SLCO3A1: variants seen among roughly 807,000 people sequenced by gnomAD.
SLCO3A1 encodes the protein solute carrier organic anion transporter family member 3A1.
In SLCO3A1, 27 loss-of-function variants were observed where a neutral mutation model predicts 63.1. That is an observed-to-expected ratio of 0.43 (90% confidence interval 0.32 to 0.59). The LOEUF is 0.59. Among genes scored for constraint, SLCO3A1 ranks in the 20% least tolerant of loss-of-function variants. The probability of loss-of-function intolerance (pLI) is 0.09; values close to 1 mark genes in which losing one functional copy is unlikely to be tolerated. For missense variants in SLCO3A1, 773 were observed against 945.8 expected (o/e 0.82, Z 2.40); for synonymous variants, 473 against 409.9 (o/e 1.15, Z -1.86).
In SLCO3A1 at chr15:92,171,821, G is replaced by A. The variant is rs145652433; in HGVS notation, c.2038G>A (p.Glu680Lys). 1.2e-4 allele frequency: 180 copies of A among 1,551,594 alleles called. 2 individuals carry two copies. The East Asian group carries it at 1.3e-3, about 11-fold the overall frequency. Residue 680 changes from glutamate (E) to lysine (K), a missense_variant, in exon 11 of 11, where the codon GAA becomes AAA. Transcript: ENST00000424469. The stretch of plus-strand genomic sequence containing the variant: ...CATTGAGACTGAGAAAACCTGCCCC[G>A]AATCACATTCACCTTCAGAAGACTC...
Position 92,162,959 on chromosome 15 carries a change from A to G in SLCO3A1, c.1957A>G (p.Lys653Glu). Residue 653 changes from lysine (K) to glutamate (E), a missense_variant, in exon 10 of 10, where the codon AAA (lysine) becomes GAA (glutamate). Physicochemically the swap from Lys to Glu is moderately conservative, Grantham distance 56 (BLOSUM62 1). This residue lies in a region of SLCO3A1 where 139 missense variants were observed against 131.4 expected (regional missense o/e 1.06). Transcript: ENST00000318445. The part of the protein sequence containing the change: ...TTWQCLRKNY[K>E]RYIKNHEGGL... ...GTGGCAGTGCCTGAGGAAAAACTAT[A>G]AACGCTACATCAAAAACCACGAGGG... 2 of 1,614,120 alleles carry G rather than the reference A, an allele frequency of 1.2e-6. No individual in the cohort carries two copies. Among genetic ancestry groups the G allele is most frequent in the Non-Finnish European group, 1.7e-6 (2 of 1,180,018 alleles).
rs1319541428 is a variant in SLCO3A1, at chr15:91,860,115, C to T, written c.180+6027C>T. On this transcript the variant is annotated intron_variant, in intron 1 of 9. Coordinates refer to ENST00000318445, the MANE Select transcript of SLCO3A1 (RefSeq NM_013272.4). This position sits in a 1 kb window ranked among gnomAD's most constrained non-coding sequence, Gnocchi z 5.5. ...GTGATTCATGTTGATCATTTACAGTCCATGGGTACTTGAAGGAGGTTAAAG... is the reference window on the plus strand; with the variant it reads ...GTGATTCATGTTGATCATTTACAGTTCATGGGTACTTGAAGGAGGTTAAAG... Among the ~76,000 whole-genome samples, 1 of 152,152 alleles carries T rather than the reference C, an allele frequency of 6.6e-6. No homozygotes were observed. The highest frequency in any genetic ancestry group is 2.4e-5 in the African/African-American group (1 of 41,420).
chr15:91,992,180 G>A (rs191749321), intron 2 of SLCO3A1, among the ~76,000 whole-genome samples: 60 of 152,338 alleles, frequency 3.9e-4, no homozygotes, highest in African/African-American at 1.4e-3. Flanking sequence ...ATGTCAAGGT[G>A]AGTGTTTTGT....
chr15:92,139,713 A>G (rs1316263629), intron 7 of SLCO3A1, among the ~76,000 whole-genome samples: 1 of 152,102 alleles, frequency 6.6e-6, no homozygotes, highest in Non-Finnish European at 1.5e-5. Flanking sequence ...AGGAGAGTGT[A>G]TGTGTCGAGG....
chr15:91,980,458 G>A (rs2045971228), intron 2 of SLCO3A1, among the ~76,000 whole-genome samples: 1 of 151,472 alleles, frequency 6.6e-6, no homozygotes, highest in African/African-American at 2.4e-5. Context: ...ATGGTGAATG[G>A]ATTCGTAGGG....
intron 2 of SLCO3A1, among the ~76,000 whole-genome samples, chr15:92,094,645 G>A (rs1040287084): frequency 2.0e-5 from 3 of 152,178 alleles, no homozygotes; most frequent in Admixed American, 2.0e-4. Flanking sequence ...CTAAAAGTAA[G>A]GGACACAAAT....
Position 91,971,288 on chromosome 15 carries a change from G to A in SLCO3A1, c.646+54830G>A, listed in dbSNP as rs184403982. Among the ~76,000 whole-genome samples the A allele has an allele frequency of 9.0e-3, 1,364 of 151,108 alleles. 55 individuals carry two copies. Among genetic ancestry groups the A allele is most frequent in the Admixed American group, 0.065 (987 of 15,162 alleles). ...CAGGTGCCTGTAGTCCCAGCTACTC[G>A]GGAGGCTGAGGCAGGACAATGGGGT... On this transcript the variant is annotated intron_variant, in intron 2 of 9. Transcript: ENST00000318445.
Position 92,140,315 on chromosome 15 carries a change from T to C in SLCO3A1, c.1513-6669T>C, listed in dbSNP as rs1309692738. 1.5e-4 allele frequency among the ~76,000 whole-genome samples: 21 copies of C among 140,546 alleles called. No individual in the cohort carries two copies. In the Admixed American group the frequency reaches 1.5e-3, roughly 10 times the overall value. 92.2% of individuals were successfully genotyped at this position (140,546 alleles called of 152,430 possible). A position where few individuals can be genotyped will look rare whatever the true frequency, so the allele number is the denominator to read the frequency against. ...GAGTGAGATTCTTAATCCTGAGTTC[T>C]AGTTTGATTGCACTGTGGTCTGAGA... On this transcript the variant is annotated intron_variant, in intron 7 of 9. Transcript: ENST00000318445.
chr15:91,971,879 C>T (rs1208524163), intron 2 of SLCO3A1, among the ~76,000 whole-genome samples: 4 of 152,150 alleles, frequency 2.6e-5, no homozygotes, highest in African/African-American at 9.7e-5. Flanking sequence ...TAGAACATAA[C>T]TGCAGTTTGA....
chr15:92,160,067 C>A (rs2048417976), intron 9 of SLCO3A1, among the ~76,000 whole-genome samples: 1 of 152,074 alleles, frequency 6.6e-6, no homozygotes, highest in Admixed American at 6.5e-5. Flanking sequence ...CCTCTCTAAC[C>A]TTGGCTCCCC....
At chr15:92,114,032 G>C (rs1370316279) in intron 4 of SLCO3A1, among the ~76,000 whole-genome samples, 1 of 152,190 alleles carries the variant, frequency 6.6e-6, no homozygotes, top group Non-Finnish European at 1.5e-5. Flanking sequence ...AATTGCACAT[G>C]AATGCCAGAA....
intron 5 of SLCO3A1, among the ~76,000 whole-genome samples, chr15:92,124,086 G>A (rs1418531284): frequency 6.6e-6 from 1 of 152,136 alleles, no homozygotes; most frequent in African/African-American, 2.4e-5. Flanking sequence ...GGCAGACTTG[G>A]GAGATGAGGC....
chr15:91,951,213 ATCCTC>A (rs1447090351), intron 2 of SLCO3A1, among the ~76,000 whole-genome samples: 2 of 152,128 alleles, frequency 1.3e-5, no homozygotes, highest in Non-Finnish European at 2.9e-5. Flanking sequence ...TCCATTAGCA[ATCCTC>A]TCCCATCCCC....
At chr15:92,044,099 A>T (rs1251669123) in intron 2 of SLCO3A1, among the ~76,000 whole-genome samples, 1 of 152,006 alleles carries the variant, frequency 6.6e-6, no homozygotes, top group Non-Finnish European at 1.5e-5. Flanking sequence ...CATTATACGA[A>T]TTCTTAGGAT....
chr15:92,012,754 A>G (rs1336810059), intron 2 of SLCO3A1, among the ~76,000 whole-genome samples: 1 of 151,828 alleles, frequency 6.6e-6, no homozygotes, highest in East Asian at 1.9e-4. Context: ...AAAAAAAAAA[A>G]AAAAAAAAAG....
rs1482713917 is a variant in SLCO3A1 at position 91,912,478 on chromosome 15, G to A, written c.181-3515G>A. Among the ~76,000 whole-genome samples the A allele has an allele frequency of 6.6e-6, 1 of 152,196 alleles. No homozygotes were observed. The highest frequency in any genetic ancestry group is 1.9e-4 in the East Asian group (1 of 5,190). ...AGCCAGGACAAGAGCTGCAGGCACG[G>A]GCGTTATCTGTCTCTAAAAGAACTG... On this transcript the variant is annotated intron_variant, in intron 1 of 9. Coordinates refer to ENST00000318445, the MANE Select transcript of SLCO3A1 (RefSeq NM_013272.4). This position sits in a 1 kb window ranked among gnomAD's most constrained non-coding sequence, Gnocchi z 5.0.
chr15:92,081,211 C>G (rs981122681), intron 2 of SLCO3A1, among the ~76,000 whole-genome samples: 2 of 152,068 alleles, frequency 1.3e-5, no homozygotes, highest in African/African-American at 4.8e-5. Context: ...TATATTTTTG[C>G]ACCCATTAAC....
intron 1 of SLCO3A1, among the ~76,000 whole-genome samples, chr15:91,902,273 T>G (rs1597104371): frequency 6.6e-6 from 1 of 152,174 alleles, no homozygotes; most frequent in Non-Finnish European, 1.5e-5. Context: ...CATAGTTCAC[T>G]GAAACCTCAA....
chr15:92,103,805 A>G (rs577950159), intron 3 of SLCO3A1, among the ~76,000 whole-genome samples: 68 of 151,906 alleles, frequency 4.5e-4, no homozygotes, highest in Admixed American at 1.2e-3. Flanking sequence ...CTAAAACCCT[A>G]TTGTGCGCCT....
Sources: gnomAD v4.1 joint callset for allele counts (sites outside exome capture counted in the v4.1 genomes callset) on GRCh38, gnomAD v4.1.1 for gene constraint, gnomAD v4.1.1 regional missense constraint, Gnocchi (gnomAD v3.1) non-coding constraint, MANE v1.5 for transcripts, NCBI Gene and HGNC (gene_info 2026-07-23, HGNC 2026-07-21) for gene names.